NACC2: variants seen among roughly 807,000 people sequenced by gnomAD.
NACC2 encodes NACC family member 2.
A neutral mutation model predicts 25.1 loss-of-function variants in NACC2; 8 were observed. The observed-to-expected ratio is 0.32, with a 90% confidence interval of 0.19 to 0.57. The LOEUF (loss-of-function observed/expected upper bound fraction) is 0.57. Ranked by LOEUF, NACC2 falls within the 20% of genes least tolerant of loss-of-function variation. The pLI is 0.89. For missense variants in NACC2, 644 were observed against 650.2 expected, an observed-to-expected ratio of 0.99 and a Z score of 0.10; for synonymous variants, 435 against 294.7, an observed-to-expected ratio of 1.48 and a Z score of -4.88.
chr9:136,046,375 G>A (rs974144293), intron 2 of NACC2, among the ~76,000 whole-genome samples: 3,158 of 152,276 alleles, frequency 0.021, 35 homozygotes, highest in Non-Finnish European at 0.03. Context: ...TTCACCCCTG[G>A]GTGCACCCCA....
intron 1 of NACC2, among the ~76,000 whole-genome samples, chr9:136,069,408 G>A (rs1035829001): frequency 1.3e-5 from 2 of 151,278 alleles, no homozygotes; most frequent in African/African-American, 4.9e-5. Flanking sequence ...AATTAGCCGG[G>A]CGTGGTGGCA....
At chr9:136,067,513 C>T (rs1026468736) in intron 1 of NACC2, among the ~76,000 whole-genome samples, 3 of 152,078 alleles carry the variant, frequency 2.0e-5, no homozygotes, top group East Asian at 1.9e-4. Flanking sequence ...GTGATTTTGT[C>T]GTTCTGTGAA....
chr9:136,089,437 C>T (rs1015021530), intron 1 of NACC2, among the ~76,000 whole-genome samples: 3 of 152,064 alleles, frequency 2.0e-5, no homozygotes, highest in Non-Finnish European at 2.9e-5. Flanking sequence ...CTTCAGAGAA[C>T]TCAAGGCCCT....
At chr9:136,041,971 C>G (rs1215267210) in intron 2 of NACC2, among the ~76,000 whole-genome samples, 1 of 152,064 alleles carries the variant, frequency 6.6e-6, no homozygotes, top group Non-Finnish European at 1.5e-5. Flanking sequence ...CAGCAAACAG[C>G]AAAGGACTAC....
chr9:136,064,082 A>C (rs577355174), intron 1 of NACC2, among the ~76,000 whole-genome samples: 1 of 152,222 alleles, frequency 6.6e-6, no homozygotes, highest in South Asian at 2.1e-4. Flanking sequence ...TGAGTCCAGG[A>C]GTTTGAGACA....
At chr9:136,079,244 G>A (rs535884456) in intron 1 of NACC2, among the ~76,000 whole-genome samples, 1 of 152,228 alleles carries the variant, frequency 6.6e-6, no homozygotes, top group African/African-American at 2.4e-5. Context: ...TCTGAGCTGA[G>A]GGGGAGACCA....
At chr9:136,024,699 T>G (rs1840360208) in intron 2 of NACC2, among the ~76,000 whole-genome samples, 1 of 152,188 alleles carries the variant, frequency 6.6e-6, no homozygotes, top group East Asian at 1.9e-4. Context: ...TATTTAACTT[T>G]TAAAACGCCC....
intron 3 of NACC2, among the ~76,000 whole-genome samples, chr9:136,015,959 G>A (rs1840195556): frequency 2.0e-5 from 3 of 152,184 alleles, no homozygotes; most frequent in Admixed American, 1.3e-4. Context: ...GGACCCTCGC[G>A]GGGCGGGGGG....
chr9:136,094,619 G>A (rs1171533073), intron 1 of NACC2, among the ~76,000 whole-genome samples: 3 of 152,252 alleles, frequency 2.0e-5, no homozygotes, highest in Non-Finnish European at 4.4e-5. Context: ...CCCCAGGCTG[G>A]GGCCCGAGTG....
chr9:136,022,858 C>T lies in NACC2; in HGVS notation c.887-6429G>A, dbSNP rs959767440. On this transcript the variant is annotated intron_variant, in intron 2 of 5. Coordinates refer to ENST00000277554, the MANE Select transcript of NACC2 (RefSeq NM_144653.5). The surrounding 1 kb of genome is among the most constrained non-coding windows in gnomAD (Gnocchi z 4.4). ...CAAAGGTGCCACCAATTTAATCATG[C>T]CACGCCATAACTGGGAAGGCAAACC... 1.3e-5 allele frequency among the ~76,000 whole-genome samples: 2 copies of T among 151,424 alleles called. No homozygotes were observed. The highest frequency in any genetic ancestry group is 4.9e-5 in the African/African-American group (2 of 41,128).
intron 1 of NACC2, among the ~76,000 whole-genome samples, chr9:136,051,484 C>T (rs995970581): frequency 2.0e-5 from 3 of 152,168 alleles, no homozygotes; most frequent in African/African-American, 7.2e-5. Context: ...CTGGGGAGGG[C>T]GCCGCTGTTT....
intron 1 of NACC2, among the ~76,000 whole-genome samples, chr9:136,068,174 T>C (rs1482305953): frequency 6.6e-6 from 1 of 152,142 alleles, no homozygotes; most frequent in Admixed American, 6.5e-5. Flanking sequence ...ACCGAACATT[T>C]AGGCTACACT....
intron 1 of NACC2, among the ~76,000 whole-genome samples, chr9:136,072,377 C>T (rs546946859): frequency 2.0e-5 from 3 of 152,142 alleles, no homozygotes; most frequent in South Asian, 2.1e-4. Context: ...GAAATCCTGT[C>T]GCTAATGAAA....
At chr9:136,014,595 A>AAC (rs143940034) in intron 3 of NACC2, among the ~76,000 whole-genome samples, 2,070 of 152,222 alleles carry the variant, frequency 0.014, 50 homozygotes, top group African/African-American at 0.047. Flanking sequence ...TGGCCTAGGG[A>AAC]ACACACTCTG....
chr9:136,049,727 G>C lies in NACC2; in HGVS notation c.795C>G (p.Asn265Lys). 1.3e-6 allele frequency: 1 copy of C among 779,074 alleles called. No individual in the cohort carries two copies. The allele number at this position is 779,074 out of a possible 1,614,324, so 48.3% of individuals were successfully genotyped here. Residue 265 changes from asparagine (N) to lysine (K), a missense_variant, in exon 2 of 6, where the codon AAC (asparagine) becomes AAG (lysine). Asn to Lys is a moderately conservative substitution (Grantham distance 94). Transcript: ENST00000277554. ...PTTDSPTSYH[N>K]EEDEEDDEAY... is the part of the protein sequence containing the mutation. ...CCTCGTCGTCCTCCTCGTCCTCCTCGTTGTGGTACGAGGTGGGGCTGTCGG... is the reference window on the plus strand; with the variant it reads ...CCTCGTCGTCCTCCTCGTCCTCCTCCTTGTGGTACGAGGTGGGGCTGTCGG...
chr9:136,049,533 T>A (rs1196006158), intron 2 of NACC2, 103 bp downstream of exon 2: 1 of 630,738 alleles, frequency 1.6e-6, no homozygotes, highest in Admixed American at 2.6e-5. Flanking sequence ...GGCTCCCCTG[T>A]GGCCCCGCAG....
rs2275107 is a variant in NACC2, at chr9:136,016,404, C to G, written c.912G>C (p.Pro304=). ...TGAGGACGCAGGAGCGGCTCTCCAG[C>G]GGCACTGGCTCAGGCTTCTCTTGCA... is the stretch of plus-strand genomic sequence containing the variant. The part of the protein sequence containing the change: ...YAVQEKPEPV[P]LESRSCVLIR... Residue 304 remains proline, a synonymous_variant, in exon 3 of 6, where the codon CCG becomes CCC. Transcript: ENST00000277554. 68 of 1,610,880 alleles carry G rather than the reference C, an allele frequency of 4.2e-5. No individual in the cohort carries two copies. Among genetic ancestry groups the G allele is most frequent in the Non-Finnish European group, 5.5e-5 (65 of 1,179,752 alleles).
At chr9:136,042,945 G>GACAC (rs1332897945) in intron 2 of NACC2, among the ~76,000 whole-genome samples, 20 of 142,304 alleles carry the variant, frequency 1.4e-4, no homozygotes, top group African/African-American at 5.0e-4. Flanking sequence ...GAGACAGACA[G>GACAC]ACACACACAG....
Position 136,050,064 on chromosome 9 carries a change from G to A in NACC2, c.458C>T (p.Ala153Val). The A allele has an allele frequency of 1.4e-6, 1 of 730,574 alleles. No individual in the cohort carries two copies. Among genetic ancestry groups the A allele is most frequent in the Non-Finnish European group, 2.5e-6 (1 of 399,900 alleles). The allele number at this position is 730,574 out of a possible 1,614,324, so 45.3% of individuals were successfully genotyped here. Residue 153 changes from alanine (A) to valine (V), a missense_variant, in exon 2 of 6, where the codon GCC (alanine) becomes GTC (valine). Transcript: ENST00000277554. ...QSPCNQLQPA[A>V]AAAAPYVVSP... ...CACGACGTAGGGGGCCGCGGCGGCG[G>A]CGGCCGGCTGCAGCTGGTTGCAGGG... is the stretch of plus-strand genomic sequence containing the variant.
Sources: allele counts gnomAD v4.1 joint callset (sites outside exome capture counted in the v4.1 genomes callset), GRCh38; gene constraint gnomAD v4.1.1; non-coding constraint Gnocchi (gnomAD v3.1); transcripts MANE v1.5; gene names NCBI Gene and HGNC (gene_info 2026-07-23, HGNC 2026-07-21).